The following MARK2 variants were observed in gnomAD, a reference collection of about 807,000 sequenced individuals.
The protein encoded by MARK2 is microtubule affinity regulating kinase 2, also known as serine/threonine-protein kinase MARK2.
Under a neutral mutation model 89.8 loss-of-function variants are expected in MARK2, and 16 were observed. The ratio of observed to expected loss-of-function variants is 0.18; its 90% confidence interval spans 0.12 to 0.27. The LOEUF is 0.27. MARK2 is among the 10% of genes least tolerant of loss of function. The pLI, the probability that MARK2 is intolerant of heterozygous loss-of-function variation, is 1.00. For synonymous variants in MARK2, 382 were observed against 399.5 expected (o/e 0.96, Z 0.52); for missense variants, 621 against 1,049.9 (o/e 0.59, Z 5.65).
chr11:63,851,023 G>T (rs568599968), intron 1 of MARK2, among the ~76,000 whole-genome samples: 1 of 152,136 alleles, frequency 6.6e-6, no homozygotes, highest in Non-Finnish European at 1.5e-5. Flanking sequence ...TAAAGACCAC[G>T]TGGGAACTCA....
intron 1 of MARK2, among the ~76,000 whole-genome samples, chr11:63,879,447 T>C (rs888948269): frequency 6.6e-6 from 1 of 152,104 alleles, no homozygotes; most frequent in Non-Finnish European, 1.5e-5. Flanking sequence ...GAGCTACCCT[T>C]GTCTTCTGTG....
chr11:63,874,198 C>T (rs113049301), intron 1 of MARK2, among the ~76,000 whole-genome samples: 2 of 152,298 alleles, frequency 1.3e-5, no homozygotes, highest in African/African-American at 4.8e-5. Flanking sequence ...TGTCCAGACT[C>T]CCTGCTGCCT....
rs543400512 is a variant in MARK2, at chr11:63,890,290, G to A, written c.55-4869G>A. On this transcript the variant is annotated intron_variant, in intron 1 of 18. Transcript: ENST00000402010. Reference sequence around the variant, plus strand: ...CATCTTACAGCATAGAAGAAGGGGTGCAGGGGTAAGTAAGGGAAGGATTGA... The same window carrying A: ...CATCTTACAGCATAGAAGAAGGGGTACAGGGGTAAGTAAGGGAAGGATTGA... The A allele has an allele frequency of 1.3e-4, 180 of 1,344,262 alleles. 2 individuals carry two copies. The South Asian group carries it at 2.0e-3, about 15-fold the overall frequency. The allele number at this position is 1,344,262 out of a possible 1,614,324, so 83.3% of individuals were successfully genotyped here.
rs1940721896 is a variant in MARK2 at position 63,899,822 on chromosome 11, G to A, written c.532-52G>A. The stretch of plus-strand genomic sequence containing the variant: ...TTCCCCTCAGCTCCTTCCTGCCCAG[G>A]GCCTTAGTCTGGTCCACTTGGTTCC... On this transcript the variant is annotated intron_variant, in intron 7 of 18. Transcript: ENST00000402010. The A allele has an allele frequency of 3.3e-6, 4 of 1,205,152 alleles. No homozygotes were observed. The Admixed American group carries it at 6.8e-5, about 20-fold the overall frequency. 74.7% of individuals were successfully genotyped at this position (1,205,152 alleles called of 1,614,324 possible). A position where few individuals can be genotyped will look rare whatever the true frequency, so the allele number is the denominator to read the frequency against.
intron 1 of MARK2, among the ~76,000 whole-genome samples, chr11:63,886,094 A>G (rs1939381235): frequency 6.6e-6 from 1 of 151,016 alleles, no homozygotes; most frequent in Non-Finnish European, 1.5e-5. Flanking sequence ...GCGCCACTGC[A>G]CTCCAACCTG....
At chr11:63,889,867 A>G (rs1441794000) in intron 1 of MARK2, among the ~76,000 whole-genome samples, 1 of 152,220 alleles carries the variant, frequency 6.6e-6, no homozygotes, top group Non-Finnish European at 1.5e-5. Flanking sequence ...AGAGTATGAT[A>G]TAGGCCAGAG....
At chr11:63,858,274 C>T (rs959456093) in intron 1 of MARK2, among the ~76,000 whole-genome samples, 2 of 152,184 alleles carry the variant, frequency 1.3e-5, no homozygotes, top group Non-Finnish European at 2.9e-5. Flanking sequence ...CCTCGGCCTC[C>T]CAAAGTGCTA....
At chr11:63,870,656 A>G (rs183381084) in intron 1 of MARK2, among the ~76,000 whole-genome samples, 1 of 152,200 alleles carries the variant, frequency 6.6e-6, no homozygotes, top group African/African-American at 2.4e-5. Flanking sequence ...ACAGCCAACA[A>G]GAGTTGTGAA....
At chr11:63,906,499 C>A (rs1402138160) in intron 17 of MARK2, among the ~76,000 whole-genome samples, 1 of 146,486 alleles carries the variant, frequency 6.8e-6, no homozygotes, top group Admixed American at 6.7e-5. Flanking sequence ...CCCACTCCCT[C>A]TCACCCCAGG....
Position 63,900,919 on chromosome 11 carries a change from A to T in MARK2, c.989-38A>T, listed in dbSNP as rs778192017. 1.7e-5 allele frequency: 28 copies of T among 1,610,796 alleles called. No homozygotes were observed. The highest frequency in any genetic ancestry group is 1.7e-6 in the Non-Finnish European group (2 of 1,177,116). On this transcript the variant is annotated intron_variant, in intron 10 of 18. Transcript: ENST00000402010. The surrounding 1 kb of genome is among the most constrained non-coding windows in gnomAD (Gnocchi z 4.7). ...GGCTGTGAGGTTAAGCTTGCCTAGG[A>T]GTTGAGGCCAGTCTTAACTGTATGT...
chr11:63,896,982 G>C (rs781630241), intron 3 of MARK2, among the ~76,000 whole-genome samples: 2 of 152,118 alleles, frequency 1.3e-5, no homozygotes, highest in Non-Finnish European at 2.9e-5. Context: ...ACCAACACCA[G>C]ACAAATAGAG....
chr11:63,894,498 A>G (rs1940192075), intron 1 of MARK2, among the ~76,000 whole-genome samples: 1 of 152,152 alleles, frequency 6.6e-6, no homozygotes, highest in African/African-American at 2.4e-5. Context: ...GGAGTTTGAG[A>G]CCAGCCTGAC....
In MARK2 at chr11:63,908,884, G is replaced by A; in HGVS notation, c.2014G>A (p.Val672Met). 6.6e-7 allele frequency: 1 copy of A among 1,505,978 alleles called. No homozygotes were observed. The highest frequency in any genetic ancestry group is 2.3e-5 in the East Asian group (1 of 43,020). 93.3% of individuals were successfully genotyped at this position (1,505,978 alleles called of 1,614,324 possible). ...KDRVETLRPHVVGSGGNDKEK... is the reference protein window; with the variant it reads ...KDRVETLRPHMVGSGGNDKEK... ...CCTCTGCCCTCTCCACAGACCTCACGTGGTGGGCAGTGGCGGCAACGACAA... is the reference window on the plus strand; with the variant it reads ...CCTCTGCCCTCTCCACAGACCTCACATGGTGGGCAGTGGCGGCAACGACAA... The change falls in exon 19 of 19, where the codon GTG becomes ATG. Residue 672 changes from valine (V) to methionine (M), a missense_variant. Physicochemically the swap from Val to Met is conservative, Grantham distance 21 (BLOSUM62 1). This residue lies in a region of MARK2 where 397 missense variants were observed against 567.8 expected (regional missense o/e 0.70). Coordinates refer to ENST00000402010, the MANE Select transcript of MARK2 (RefSeq NM_001039469.3).
chr11:63,871,560 T>G (rs1938454778), intron 1 of MARK2, among the ~76,000 whole-genome samples: 1 of 150,854 alleles, frequency 6.6e-6, no homozygotes, highest in Non-Finnish European at 1.5e-5. Context: ...GTATTCACTG[T>G]GTGCAGGTGT....
At chr11:63,845,649 T>G (rs2016240975) in intron 1 of MARK2, among the ~76,000 whole-genome samples, 1 of 152,172 alleles carries the variant, frequency 6.6e-6, no homozygotes, top group African/African-American at 2.4e-5. Context: ...AGGTTAACCC[T>G]GAAAGTGCTA....
At chr11:63,839,786 CG>C (rs61197321) in intron 1 of MARK2, among the ~76,000 whole-genome samples, 109,687 of 151,320 alleles carry the variant, frequency 0.72, 40,995 homozygotes, top group East Asian at 0.95. Flanking sequence ...TGCCAACCCC[CG>C]TCTCCCCTCA....
At chr11:63,865,825 G>T (rs1938098398) in intron 1 of MARK2, among the ~76,000 whole-genome samples, 1 of 152,186 alleles carries the variant, frequency 6.6e-6, no homozygotes, top group African/African-American at 2.4e-5. Context: ...GTTGATTTTG[G>T]AGAGATGAAG....
intron 1 of MARK2, among the ~76,000 whole-genome samples, chr11:63,850,986 C>T (rs1365456545): frequency 6.6e-6 from 1 of 152,128 alleles, no homozygotes; most frequent in Non-Finnish European, 1.5e-5. Flanking sequence ...GACCCTTTGG[C>T]CACAGGAGAA....
chr11:63,907,546 C>G (rs2134233603), intron 17 of MARK2, among the ~76,000 whole-genome samples: 1 of 152,338 alleles, frequency 6.6e-6, no homozygotes, highest in African/African-American at 2.4e-5. Context: ...GGCCAGACCT[C>G]TTCCCCACCC....
Sources: gnomAD v4.1 joint callset for allele counts (sites outside exome capture counted in the v4.1 genomes callset) on GRCh38, gnomAD v4.1.1 for gene constraint, gnomAD v4.1.1 regional missense constraint, Gnocchi (gnomAD v3.1) non-coding constraint, MANE v1.5 for transcripts, NCBI Gene and HGNC (gene_info 2026-07-23, HGNC 2026-07-21) for gene names.